KDM4C: variants seen among roughly 807,000 people sequenced by gnomAD.
KDM4C encodes the protein lysine-specific demethylase 4C.
KDM4C carries 81 observed loss-of-function variants against 129.3 expected under a neutral mutation model. That is an observed-to-expected ratio of 0.63 (90% CI 0.52 to 0.75). The LOEUF is 0.75. Among genes scored for constraint, KDM4C ranks in the 30% least tolerant of loss-of-function variants. The pLI is 0.00. For synonymous variants in KDM4C, 573 were observed against 456.1 expected, an observed-to-expected ratio of 1.26 and a Z score of -3.26; for missense variants, 1,457 against 1,304.0, an observed-to-expected ratio of 1.12 and a Z score of -1.81.
At chr9:7,077,803 G>C (rs1420800514) in intron 17 of KDM4C, among the ~76,000 whole-genome samples, 2 of 152,190 alleles carry the variant, frequency 1.3e-5, no homozygotes, top group African/African-American at 2.4e-5. Flanking sequence ...TCAGTCTACA[G>C]AGAAAGATGT....
rs1202829183 is a variant in KDM4C, at chr9:6,849,679, A to G, written c.608A>G (p.His203Arg). The G allele has an allele frequency of 6.3e-7, 1 of 1,588,716 alleles. No individual in the cohort carries two copies. The highest frequency in any genetic ancestry group is 2.3e-5 in the East Asian group (1 of 44,312). Reference protein sequence around the residue: ...DMDLYSINYLHFGEPKSWYAI... With the variant: ...DMDLYSINYLRFGEPKSWYAI... ...GACCTCTATAGCATTAATTATCTCC[A>G]CTTTGGAGAGCCCAAGTCTTGGCAA... The change falls in exon 5 of 22, where the codon CAC becomes CGC. Residue 203 changes from histidine (H) to arginine (R), a missense_variant. Coordinates refer to ENST00000381309, the MANE Select transcript of KDM4C (RefSeq NM_015061.6).
At chr9:6,875,846 T>C (rs1172271553) in intron 5 of KDM4C, among the ~76,000 whole-genome samples, 1 of 152,332 alleles carries the variant, frequency 6.6e-6, no homozygotes, top group South Asian at 2.1e-4. Flanking sequence ...GCTCAGCACC[T>C]ATCTCCTGAA....
chr9:6,944,230 C>T (rs1388348513), intron 8 of KDM4C, among the ~76,000 whole-genome samples: 1 of 152,158 alleles, frequency 6.6e-6, no homozygotes, highest in Non-Finnish European at 1.5e-5. Context: ...TGCATTTGAA[C>T]TTATGCCAGA....
intron 5 of KDM4C, among the ~76,000 whole-genome samples, chr9:6,869,321 T>G (rs1311940739): frequency 6.6e-6 from 1 of 152,234 alleles, no homozygotes; most frequent in Non-Finnish European, 1.5e-5. Context: ...GCTTTTAATC[T>G]CAGGTTCTGT....
Position 7,103,579 on chromosome 9 carries a change from TG to T in KDM4C, c.2425-105del, listed in dbSNP as rs1460120021. The stretch of plus-strand genomic sequence containing the variant: ...GTCAGGACTTGTTGATGTAATCAGT[TG>T]TTTTTTTTTTTTTTTCTTCTCTAGT... On this transcript the variant is annotated intron_variant, in intron 17 of 21. Coordinates refer to ENST00000381309, the MANE Select transcript of KDM4C (RefSeq NM_015061.6). 1,027 of 854,400 alleles carry T rather than the reference TG, an allele frequency of 1.2e-3. 6 individuals are homozygous for T. In the African/African-American group the frequency reaches 0.015, roughly 13 times the overall value. 52.9% of individuals were successfully genotyped at this position (854,400 alleles called of 1,614,324 possible). A position where few individuals can be genotyped will look rare whatever the true frequency, so the allele number is the denominator to read the frequency against.
chr9:6,814,828 T>G, intron 4 of KDM4C, 83 bp downstream of exon 4: 1 of 782,028 alleles, frequency 1.3e-6, no homozygotes, highest in South Asian at 2.2e-5. Flanking sequence ...AGAAGTGTTC[T>G]TTTGTTGTGC....
At chr9:7,106,288 G>T (rs892192522) in intron 18 of KDM4C, among the ~76,000 whole-genome samples, 2 of 152,180 alleles carry the variant, frequency 1.3e-5, no homozygotes, top group Non-Finnish European at 2.9e-5. Flanking sequence ...ATTTCTCTTT[G>T]TGTAAACTAT....
At chr9:7,031,168 T>TTATTTATTTATGTATG (rs1371229395) in intron 15 of KDM4C, among the ~76,000 whole-genome samples, 1 of 78,616 alleles carries the variant, frequency 1.3e-5, no homozygotes, top group African/African-American at 4.5e-5. Context: ...ATTTATTTAT[T>TTATTTATTTATGTATG]TATGTATGTT....
intron 17 of KDM4C, among the ~76,000 whole-genome samples, chr9:7,060,228 T>C (rs1442941661): frequency 6.6e-6 from 1 of 151,356 alleles, no homozygotes; most frequent in Non-Finnish European, 1.5e-5. Context: ...TTTTTTTTTT[T>C]CTTCTTCTTA....
intron 17 of KDM4C, among the ~76,000 whole-genome samples, chr9:7,098,750 A>C (rs1252336790): frequency 2.6e-5 from 4 of 152,132 alleles, no homozygotes; most frequent in Non-Finnish European, 5.9e-5. Context: ...TCACTCTCAA[A>C]TGGCAGTTGT....
intron 17 of KDM4C, among the ~76,000 whole-genome samples, chr9:7,079,883 G>C (rs916300233): frequency 6.6e-6 from 1 of 152,166 alleles, no homozygotes; most frequent in Non-Finnish European, 1.5e-5. Context: ...CTGCATGAGA[G>C]TGAACCTTGG....
intron 17 of KDM4C, among the ~76,000 whole-genome samples, chr9:7,049,778 T>C (rs1829892303): frequency 6.6e-6 from 1 of 152,164 alleles, no homozygotes; most frequent in Non-Finnish European, 1.5e-5. Flanking sequence ...ATTGAAAATA[T>C]AGGCCTTTAT....
In KDM4C at chr9:6,835,633, G is replaced by A. The variant is rs1245778517; in HGVS notation, c.436-13874G>A. ...TTCTTGACAAAACCTGACTTGTGCAGAAAACAAGATGAGATTGGCATGGCT... is the reference window on the plus strand; with the variant it reads ...TTCTTGACAAAACCTGACTTGTGCAAAAAACAAGATGAGATTGGCATGGCT... On this transcript the variant is annotated intron_variant, in intron 4 of 21. Coordinates refer to ENST00000381309, the MANE Select transcript of KDM4C (RefSeq NM_015061.6). 7.4e-6 allele frequency: 6 copies of A among 806,036 alleles called. No homozygotes were observed. In the East Asian group the frequency reaches 1.5e-4, roughly 20 times the overall value. 49.9% of individuals were successfully genotyped at this position (806,036 alleles called of 1,614,324 possible). A position where few individuals can be genotyped will look rare whatever the true frequency, so the allele number is the denominator to read the frequency against.
intron 1 of KDM4C, among the ~76,000 whole-genome samples, chr9:6,762,931 A>T (rs761440392): frequency 1.6e-4 from 24 of 151,678 alleles, no homozygotes; most frequent in Non-Finnish European, 3.2e-4. Flanking sequence ...TTACTGGGGG[A>T]TTACAGGCAT....
Position 7,106,584 on chromosome 9 carries a change from A to G in KDM4C, c.2610+2714A>G, listed in dbSNP as rs532114195. 2.0e-5 allele frequency among the ~76,000 whole-genome samples: 3 copies of G among 152,280 alleles called. No individual in the cohort carries two copies. The South Asian group carries it at 6.2e-4, about 32-fold the overall frequency. On this transcript the variant is annotated intron_variant, in intron 18 of 21. Transcript: ENST00000381309. ...TTCCCTTATTTTTTTATTTCTCCCAATTATTTGCTATAAAGCATCCAAAAG... is the reference window on the plus strand; with the variant it reads ...TTCCCTTATTTTTTTATTTCTCCCAGTTATTTGCTATAAAGCATCCAAAAG...
intron 8 of KDM4C, among the ~76,000 whole-genome samples, chr9:6,944,656 T>TTTTTTTTTTG (rs1826574998): frequency 7.1e-6 from 1 of 140,034 alleles, no homozygotes; most frequent in South Asian, 2.5e-4. Context: ...GTAGAGGTTT[T>TTTTTTTTTTG]TTTTTTTTTT....
rs1193209390 is a variant in KDM4C, at chr9:7,011,691, C to A, written c.1787-7C>A. On this transcript the variant is annotated splice_region_variant and splice_polypyrimidine_tract_variant and intron_variant, in intron 12 of 21. Coordinates refer to ENST00000381309, the MANE Select transcript of KDM4C (RefSeq NM_015061.6). The stretch of plus-strand genomic sequence containing the variant: ...GCTCATGGTATTTTCCTGCCTTCTC[C>A]CTTAAGAATTGCCTGAGGTTCTGTC... The A allele has an allele frequency of 6.2e-7, 1 of 1,613,732 alleles. No homozygotes were observed. Among genetic ancestry groups the A allele is most frequent in the Non-Finnish European group, 8.5e-7 (1 of 1,179,696 alleles).
intron 8 of KDM4C, among the ~76,000 whole-genome samples, chr9:6,908,888 G>T (rs1266948724): frequency 6.6e-6 from 1 of 152,090 alleles, no homozygotes; most frequent in African/African-American, 2.4e-5. Context: ...AATAATGAGA[G>T]TAAACTCCTG....
intron 8 of KDM4C, among the ~76,000 whole-genome samples, chr9:6,966,365 G>A (rs1000919511): frequency 2.0e-5 from 3 of 152,068 alleles, no homozygotes; most frequent in Non-Finnish European, 4.4e-5. Context: ...TGTATTTTTA[G>A]TAGAGACGGG....
Sources: gnomAD v4.1 joint callset for allele counts (sites outside exome capture counted in the v4.1 genomes callset) on GRCh38, gnomAD v4.1.1 for gene constraint, MANE v1.5 for transcripts, NCBI Gene and HGNC (gene_info 2026-07-23, HGNC 2026-07-21) for gene names.